Variants in ATP8B3 observed in about 807,000 individuals in gnomAD.
ATP8B3 encodes phospholipid-transporting ATPase IK.
ATP8B3 carries 141 observed loss-of-function variants against 140.9 expected under a neutral mutation model. That is an observed-to-expected ratio of 1.00 (90% CI 0.87 to 1.15). ATP8B3 has a LOEUF of 1.15. Among genes scored for constraint, ATP8B3 ranks in the 50% most tolerant of loss-of-function variants. The probability of loss-of-function intolerance (pLI) is 0.00; values close to 1 mark genes in which losing one functional copy is unlikely to be tolerated. For synonymous variants in ATP8B3, 765 were observed against 714.6 expected, an observed-to-expected ratio of 1.07 and a Z score of -1.13; for missense variants, 1,874 against 1,740.6, an observed-to-expected ratio of 1.08 and a Z score of -1.36.
chr19:1,788,862 C>T, intron 24 of ATP8B3, 35 bp downstream of exon 24: 2 of 1,542,474 alleles, frequency 1.3e-6, no homozygotes, highest in Non-Finnish European at 1.8e-6. Flanking sequence ...TCCCCAGAGG[C>T]CCTGGTCATG....
rs1027078650 is a variant in ATP8B3 at position 1,794,147 on chromosome 19, G to A, written c.2055+1728C>T. 1.3e-5 allele frequency among the ~76,000 whole-genome samples: 2 copies of A among 152,128 alleles called. No individual in the cohort carries two copies. The highest frequency in any genetic ancestry group is 3.9e-4 in the East Asian group (2 of 5,194). The stretch of plus-strand genomic sequence containing the variant: ...CACTCAAGCGATCCTCCTGCCTCAG[G>A]CTCCCAAAGTGCTGGGACCACAGGC... On this transcript the variant is annotated intron_variant, in intron 18 of 28. Coordinates refer to ENST00000310127, the MANE Select transcript of ATP8B3 (RefSeq NM_138813.4). The surrounding 1 kb of genome is among the most constrained non-coding windows in gnomAD (Gnocchi z 4.8).
At chr19:1,797,472 A>T (rs1174213658) in intron 14 of ATP8B3, among the ~76,000 whole-genome samples, 31 of 52,794 alleles carry the variant, frequency 5.9e-4, no homozygotes, top group East Asian at 4.9e-3. Flanking sequence ...TTTTATTTTT[A>T]TTTATTTATT....
At chr19:1,808,390 TG>T in intron 4 of ATP8B3, 55 bp from the exon 5 acceptor site, 1 of 1,411,760 alleles carries the variant, frequency 7.1e-7, no homozygotes, top group Non-Finnish European at 9.9e-7. Flanking sequence ...GGCCAGGGGA[TG>T]GGGGTGCCCG....
At chr19:1,804,994 A>G (rs1568655502) in intron 10 of ATP8B3, among the ~76,000 whole-genome samples, 1 of 152,204 alleles carries the variant, frequency 6.6e-6, no homozygotes, top group Non-Finnish European at 1.5e-5. Flanking sequence ...TTTGGTTTTG[A>G]CACAGGGGTC....
intron 18 of ATP8B3, among the ~76,000 whole-genome samples, chr19:1,795,618 G>A (rs1822679872): frequency 1.3e-5 from 2 of 152,042 alleles, no homozygotes; most frequent in African/African-American, 4.8e-5. Context: ...GCTACACTTG[G>A]GAGTTCAGCT....
At chr19:1,789,168 G>T (rs1486607839) in intron 23 of ATP8B3, 48 bp from the exon 24 acceptor site, 31 of 1,303,250 alleles carry the variant, frequency 2.4e-5, no homozygotes, top group Non-Finnish European at 3.0e-5. Flanking sequence ...CCCCAGTCCC[G>T]CCCGCCCCCC....
At position 1,809,708 on chromosome 19, in the gene ATP8B3, T is replaced by A; in HGVS notation, c.337A>T (p.Asn113Tyr). Reference protein sequence around the residue: ...SAFTWKVQANNRAYNGQFKEK... With the variant: ...SAFTWKVQANYRAYNGQFKEK... ...TTGAACTGCCCGTTGTAGGCACGGTTGTTGGCCTGGACCTTCCAGGTGAAT... is the reference window on the plus strand; with the variant it reads ...TTGAACTGCCCGTTGTAGGCACGGTAGTTGGCCTGGACCTTCCAGGTGAAT... Residue 113 changes from asparagine to tyrosine, a missense_variant, in exon 4 of 29, where the codon AAC becomes TAC. Transcript: ENST00000310127. 6.2e-7 allele frequency: 1 copy of A among 1,610,834 alleles called. No individual in the cohort carries two copies. The highest frequency in any genetic ancestry group is 8.5e-7 in the Non-Finnish European group (1 of 1,178,870).
Position 1,790,767 on chromosome 19 carries a change from TCTC to T in ATP8B3, c.2365_2367del (p.Glu789del), listed in dbSNP as rs750830273. 24 of 1,602,696 alleles carry T rather than the reference TCTC, an allele frequency of 1.5e-5. No homozygotes were observed. In the Admixed American group the frequency reaches 1.9e-4, roughly 12 times the overall value. On this transcript the variant is annotated inframe_deletion, in exon 21 of 29. Coordinates refer to ENST00000310127, the MANE Select transcript of ATP8B3 (RefSeq NM_138813.4). ...CTCCCCACTTCTTACCTAATCTCCT[TCTC>T]CTCCAGAATGAGCATATTCTCTGAC...
At position 1,783,011 on chromosome 19, in the gene ATP8B3, G is replaced by A; in HGVS notation, c.*17C>T. On this transcript the variant is annotated 3_prime_UTR_variant, in exon 29 of 29. Transcript: ENST00000310127. ...CTGGTGCTTCTTCTTCCCCAGGAAG[G>A]ACATCTTCCTGAGGTGTCACTGTGA... The A allele has an allele frequency of 6.3e-7, 1 of 1,590,368 alleles. No homozygotes were observed. The highest frequency in any genetic ancestry group is 8.6e-7 in the Non-Finnish European group (1 of 1,169,038).
rs371473882 is a variant in ATP8B3 at position 1,789,383 on chromosome 19, G to C, written c.2823C>G (p.Ala941=). The part of the protein sequence containing the change: ...QVVTLAIGDG[A]NDINMIKTAD... ...CACTCTTGATCATGTTGATGTCGTT[G>C]GCACCGTCCCCGATGGCCAGGGTCA... Residue 941 remains alanine, a synonymous_variant, in exon 23 of 29, where the codon GCC becomes GCG. Coordinates refer to ENST00000310127, the MANE Select transcript of ATP8B3 (RefSeq NM_138813.4). The C allele has an allele frequency of 6.3e-7, 1 of 1,577,492 alleles. No homozygotes were observed. The highest frequency in any genetic ancestry group is 8.6e-7 in the Non-Finnish European group (1 of 1,165,828).
At position 1,803,109 on chromosome 19, in the gene ATP8B3, C is replaced by T. The variant is rs550131295; in HGVS notation, c.905-464G>A. Among the ~76,000 whole-genome samples, 8 of 152,286 alleles carry T rather than the reference C, an allele frequency of 5.3e-5. No individual in the cohort carries two copies. The South Asian group carries it at 1.7e-3, about 32-fold the overall frequency. On this transcript the variant is annotated intron_variant, in intron 10 of 28. Transcript: ENST00000310127. ...GGGAAGAGGAGAAGGGACGCCTGAT[C>T]GATGAGCCTCCTTTTGGGTGCCGGA... is the stretch of plus-strand genomic sequence containing the variant.
At position 1,789,388 on chromosome 19, in the gene ATP8B3, C is replaced by T; in HGVS notation, c.2818G>A (p.Gly940Ser). The T allele has an allele frequency of 2.5e-6, 4 of 1,583,214 alleles. No homozygotes were observed. Among genetic ancestry groups the T allele is most frequent in the Non-Finnish European group, 3.4e-6 (4 of 1,168,246 alleles). ...HQVVTLAIGD[G>S]ANDINMIKTA... ...TTGATCATGTTGATGTCGTTGGCAC[C>T]GTCCCCGATGGCCAGGGTCACCACC... Residue 940 changes from glycine to serine, a missense_variant, in exon 23 of 29, where the codon GGT becomes AGT. Transcript: ENST00000310127.
At position 1,811,539 on chromosome 19, in the gene ATP8B3, C is replaced by T. The variant is rs1473404766; in HGVS notation, c.198G>A (p.Arg66=). ...TAGCCCGGCCAGGCTGGGCCTTGTGCCTCCTCTCAGGTGCCCCTCTGCCTG... is the reference window on the plus strand; with the variant it reads ...TAGCCCGGCCAGGCTGGGCCTTGTGTCTCCTCTCAGGTGCCCCTCTGCCTG... ...DSPGRGAPER[R]HKAQPGRARK... The change falls in exon 2 of 29, where the codon AGG becomes AGA. Residue 66 remains arginine (R), a synonymous_variant. Transcript: ENST00000310127. The T allele has an allele frequency of 6.2e-7, 1 of 1,612,318 alleles. No homozygotes were observed. Among genetic ancestry groups the T allele is most frequent in the South Asian group, 1.1e-5 (1 of 91,040 alleles).
At chr19:1,796,350 G>A in intron 16 of ATP8B3, 85 bp from the exon 17 acceptor site, 1 of 1,258,984 alleles carries the variant, frequency 7.9e-7, no homozygotes, top group Non-Finnish European at 1.1e-6. Context: ...GGTATCGCCT[G>A]GGCTACACCT....
At chr19:1,793,349 C>T (rs1416597120) in intron 18 of ATP8B3, among the ~76,000 whole-genome samples, 1 of 152,216 alleles carries the variant, frequency 6.6e-6, no homozygotes, top group Non-Finnish European at 1.5e-5. Flanking sequence ...GCAAGCTGCA[C>T]ACCTGAGCCT....
At chr19:1,797,237 A>AC (rs2068707857) in intron 14 of ATP8B3, among the ~76,000 whole-genome samples, 1 of 151,646 alleles carries the variant, frequency 6.6e-6, no homozygotes, top group Non-Finnish European at 1.5e-5. Flanking sequence ...TCTCCCAGGG[A>AC]CCCCAAAAGG....
At position 1,805,609 on chromosome 19, in the gene ATP8B3, G is replaced by T. The variant is rs1443922363; in HGVS notation, c.822-153C>A. Among the ~76,000 whole-genome samples the T allele has an allele frequency of 6.6e-6, 1 of 152,230 alleles. No homozygotes were observed. The highest frequency in any genetic ancestry group is 1.5e-5 in the Non-Finnish European group (1 of 68,034). On this transcript the variant is annotated intron_variant, in intron 9 of 28. Transcript: ENST00000310127. This position sits in a 1 kb window ranked among gnomAD's most constrained non-coding sequence, Gnocchi z 5.2. The stretch of plus-strand genomic sequence containing the variant: ...TGGCTGAGGCCCAGAGAGGGAGAAG[G>T]CCTTGCCCAAGGCCACACAGCACAT...
chr19:1,784,212 G>A (rs7247364), intron 28 of ATP8B3, among the ~76,000 whole-genome samples: 11,964 of 152,134 alleles, frequency 0.079, 691 homozygotes, highest in African/African-American at 0.16. Context: ...GATCATTCAC[G>A]GTAGAATCTG....
In ATP8B3 at chr19:1,787,268, T is replaced by A. The variant is rs926018226; in HGVS notation, c.3070-82A>T. 2.4e-6 allele frequency: 3 copies of A among 1,236,582 alleles called. No individual in the cohort carries two copies. The South Asian group carries it at 3.9e-5, about 16-fold the overall frequency. The allele number at this position is 1,236,582 out of a possible 1,614,324, so 76.6% of individuals were successfully genotyped here. ...CTGCCAAGCAGGCACCCAGGGAGGG[T>A]TCTGGGTGAGGTAACTCTGGTCGAG... On this transcript the variant is annotated intron_variant, in intron 24 of 28. Transcript: ENST00000310127.
Sources: allele counts gnomAD v4.1 joint callset (sites outside exome capture counted in the v4.1 genomes callset), GRCh38; gene constraint gnomAD v4.1.1; non-coding constraint Gnocchi (gnomAD v3.1); transcripts MANE v1.5; gene names NCBI Gene and HGNC (gene_info 2026-07-23, HGNC 2026-07-21).